The following ALMS1 variants were observed in gnomAD, a reference collection of about 807,000 sequenced individuals.
ALMS1 encodes centrosome-associated protein ALMS1.
A neutral mutation model predicts 352.2 loss-of-function variants in ALMS1; 271 were observed. That is an observed-to-expected ratio of 0.77 (90% confidence interval 0.70 to 0.85). The LOEUF (loss-of-function observed/expected upper bound fraction) is 0.85, where lower values mean the gene tolerates loss of function less well. Among genes scored for constraint, ALMS1 ranks in the 40% least tolerant of loss-of-function variants. The pLI, the probability that ALMS1 is intolerant of heterozygous loss-of-function variation, is 0.00. For synonymous variants in ALMS1, 1,865 were observed against 1,761.2 expected, an observed-to-expected ratio of 1.06 and a Z score of -1.48; for missense variants, 5,445 against 4,870.7, an observed-to-expected ratio of 1.12 and a Z score of -3.51.
At position 73,490,860 on chromosome 2, in the gene ALMS1, A is replaced by G. The variant is rs371736476; in HGVS notation, c.8901A>G (p.Glu2967=). Residue 2967 remains glutamate, a synonymous_variant, in exon 10 of 23, where the codon GAA becomes GAG. Transcript: ENST00000613296. ...ACCTTCCGTCTCCCATTTCTCTTGA[A>G]CAATGCCAAAGCAAAGCGCCAGGTG... The part of the protein sequence containing the change: ...ASDLPSPISL[E]QCQSKAPGVD... 5 of 1,614,106 alleles carry G rather than the reference A, an allele frequency of 3.1e-6. No homozygotes were observed. Among genetic ancestry groups the G allele is most frequent in the Non-Finnish European group, 4.2e-6 (5 of 1,180,024 alleles).
At chr2:73,403,522 G>A (rs1670912720) in intron 1 of ALMS1, among the ~76,000 whole-genome samples, 1 of 151,910 alleles carries the variant, frequency 6.6e-6, no homozygotes, top group South Asian at 2.1e-4. Flanking sequence ...AGAGTCTTTT[G>A]TGGTTCTATA....
At chr2:73,444,320 C>T (rs1671768363) in intron 7 of ALMS1, among the ~76,000 whole-genome samples, 2 of 150,758 alleles carry the variant, frequency 1.3e-5, no homozygotes, top group South Asian at 4.1e-4. Context: ...CTGGGTATTA[C>T]TATGACCAGG....
chr2:73,517,378 T>C (rs1673582533), intron 10 of ALMS1, among the ~76,000 whole-genome samples: 1 of 150,614 alleles, frequency 6.6e-6, no homozygotes, highest in South Asian at 2.1e-4. Context: ...CTCAGCCTCC[T>C]CAGTTGCTGG....
chr2:73,432,965 A>T (rs969941079), intron 7 of ALMS1, among the ~76,000 whole-genome samples: 1 of 152,192 alleles, frequency 6.6e-6, no homozygotes, highest in East Asian at 1.9e-4. Context: ...GTGGATGCAG[A>T]TAAGTTTGTA....
At chr2:73,498,539 A>T (rs936501783) in intron 10 of ALMS1, among the ~76,000 whole-genome samples, 7 of 151,024 alleles carry the variant, frequency 4.6e-5, no homozygotes, top group Non-Finnish European at 8.9e-5. Flanking sequence ...GTGCCCATTA[A>T]CCATCCCCAT....
intron 1 of ALMS1, among the ~76,000 whole-genome samples, chr2:73,404,234 G>A (rs11899793): frequency 7.9e-5 from 12 of 151,990 alleles, no homozygotes; most frequent in African/African-American, 2.4e-4. Context: ...AGTCTTTGGG[G>A]GTTTTCAGTA....
At position 73,571,505 on chromosome 2, in the gene ALMS1, G is replaced by A. The variant is rs1325670877; in HGVS notation, c.10385-757G>A. 2.0e-5 allele frequency among the ~76,000 whole-genome samples: 3 copies of A among 152,258 alleles called. No homozygotes were observed. The East Asian group carries it at 5.8e-4, about 29-fold the overall frequency. ...GAAGGCAGGGAAAGGCCAAACAGGA[G>A]CCTTCAGGCCAAAGGGCACTAATCC... On this transcript the variant is annotated intron_variant, in intron 15 of 22. Transcript: ENST00000613296.
At chr2:73,608,848 T>G (rs1024752355) in intron 22 of ALMS1, among the ~76,000 whole-genome samples, 8 of 152,348 alleles carry the variant, frequency 5.3e-5, no homozygotes, top group African/African-American at 1.9e-4. Flanking sequence ...CATTGACATA[T>G]CATGGTAGAA....
Position 73,572,786 on chromosome 2 carries a change from C to A in ALMS1, c.10909C>A (p.Gln3637Lys). ...DRLDRLAKILQNPITHSLQVS... is the reference protein window; with the variant it reads ...DRLDRLAKILKNPITHSLQVS... The stretch of plus-strand genomic sequence containing the variant: ...ACTTGATCGTTTGGCTAAAATTCTT[C>A]AGAATCCAATCACACATTCTCTCCA... The change falls in exon 16 of 23, where the codon CAG (glutamine) becomes AAG (lysine). Residue 3637 changes from glutamine to lysine, a missense_variant. Gln to Lys is a moderately conservative substitution (Grantham distance 53). Coordinates refer to ENST00000613296, the MANE Select transcript of ALMS1 (RefSeq NM_001378454.1). 1 of 1,614,072 alleles carries A rather than the reference C, an allele frequency of 6.2e-7. No homozygotes were observed. The highest frequency in any genetic ancestry group is 8.5e-7 in the Non-Finnish European group (1 of 1,179,994).
intron 17 of ALMS1, 138 bp from the exon 18 acceptor site, chr2:73,600,540 C>A: frequency 1.4e-6 from 1 of 736,292 alleles, no homozygotes; most frequent in East Asian, 2.8e-5. Context: ...TTCTCTTCCT[C>A]TCTCTTCGCA....
chr2:73,609,803 G>T lies in ALMS1; in HGVS notation c.*191G>T. 1 of 611,692 alleles carries T rather than the reference G, an allele frequency of 1.6e-6. No individual in the cohort carries two copies. The allele number at this position is 611,692 out of a possible 1,614,324, so 37.9% of individuals were successfully genotyped here. On this transcript the variant is annotated 3_prime_UTR_variant, in exon 23 of 23. Transcript: ENST00000613296. ...TAATGGTTTGGGAGCAATACTTTCT[G>T]CATAGTGGCCTTGTCCAATGGCCTG...
chr2:73,574,102 AAG>A (rs1165296469), intron 16 of ALMS1, among the ~76,000 whole-genome samples: 1 of 152,304 alleles, frequency 6.6e-6, no homozygotes, highest in African/African-American at 2.4e-5. Flanking sequence ...TTAATATAAA[AAG>A]AGAACAAAAT....
At chr2:73,512,432 G>A (rs193280036) in intron 10 of ALMS1, among the ~76,000 whole-genome samples, 50 of 151,776 alleles carry the variant, frequency 3.3e-4, no homozygotes, top group African/African-American at 1.1e-3. Flanking sequence ...TTGGTATATA[G>A]GGGTTATCTC....
At chr2:73,474,283 T>C (rs541685376) in intron 9 of ALMS1, among the ~76,000 whole-genome samples, 227 of 152,074 alleles carry the variant, frequency 1.5e-3, no homozygotes, top group African/African-American at 5.4e-3. Flanking sequence ...CAAAAGCTTA[T>C]TGATTTTTAA....
rs1671852522 is a variant in ALMS1 at position 73,448,482 on chromosome 2, C to T, written c.1955C>T (p.Pro652Leu). ...TEEPLEVSAA[P>L]GPVEQKTGIP... ...GAGCCTTTGGAAGTTTCAGCTGCTC[C>T]TGGCCCAGTGGAGCAGAAGACGGGA... The change falls in exon 8 of 23, where the codon CCT becomes CTT. Residue 652 changes from proline (P) to leucine (L), a missense_variant. Coordinates refer to ENST00000613296, the MANE Select transcript of ALMS1 (RefSeq NM_001378454.1). The T allele has an allele frequency of 6.2e-7, 1 of 1,613,734 alleles. No homozygotes were observed. The highest frequency in any genetic ancestry group is 1.3e-5 in the African/African-American group (1 of 74,812).
At chr2:73,396,550 CTTT>C (rs60473435) in intron 1 of ALMS1, among the ~76,000 whole-genome samples, 1 of 78,256 alleles carries the variant, frequency 1.3e-5, no homozygotes, top group African/African-American at 5.4e-5. Flanking sequence ...GGTCTGAGCT[CTTT>C]TTTTTTTTTT....
At chr2:73,500,523 C>T (rs535503441) in intron 10 of ALMS1, among the ~76,000 whole-genome samples, 1 of 152,258 alleles carries the variant, frequency 6.6e-6, no homozygotes, top group South Asian at 2.1e-4. Context: ...CTCCTGCCAG[C>T]CTCTGTTACT....
intron 10 of ALMS1, among the ~76,000 whole-genome samples, chr2:73,511,928 C>T (rs899618711): frequency 8.5e-5 from 13 of 152,070 alleles, no homozygotes; most frequent in African/African-American, 2.4e-4. Flanking sequence ...TTGAGTTGTA[C>T]GTAAGTATAT....
chr2:73,538,489 C>T (rs1010439506), intron 12 of ALMS1, among the ~76,000 whole-genome samples: 8 of 152,142 alleles, frequency 5.3e-5, no homozygotes, highest in African/African-American at 1.9e-4. Flanking sequence ...TCTGCATTTC[C>T]AACTGAGGTA....
Sources: gnomAD v4.1 joint callset for allele counts (sites outside exome capture counted in the v4.1 genomes callset) on GRCh38, gnomAD v4.1.1 for gene constraint, MANE v1.5 for transcripts, NCBI Gene and HGNC (gene_info 2026-07-23, HGNC 2026-07-21) for gene names.